Variants in GP6 observed in about 807,000 individuals in gnomAD.
GP6 encodes the protein platelet glycoprotein VI.
Under a neutral mutation model 37.3 loss-of-function variants are expected in GP6, and 45 were observed. The ratio of observed to expected loss-of-function variants is 1.21; its 90% CI spans 0.95 to 1.55. The LOEUF (loss-of-function observed/expected upper bound fraction) is 1.55. Among genes scored for constraint, GP6 ranks in the 40% most tolerant of loss-of-function variants. GP6 has a pLI of 0.00. For synonymous variants in GP6, 340 were observed against 316.4 expected (o/e 1.07, Z -0.79); for missense variants, 813 against 760.2 (o/e 1.07, Z -0.82).
chr19:55,034,641 GA>G lies in GP6; in HGVS notation c.35-2104del, dbSNP rs201963263. Among the ~76,000 whole-genome samples, 1,485 of 149,812 alleles carry G rather than the reference GA, an allele frequency of 9.9e-3. 21 individuals carry two copies. The highest frequency in any genetic ancestry group is 0.033 in the African/African-American group (1,350 of 40,830). On this transcript the variant is annotated intron_variant, in intron 1 of 7. Coordinates refer to ENST00000310373, the MANE Select transcript of GP6 (RefSeq NM_001083899.2). ...TGTCTCAGAAAACGAAGAGGAGGAG[GA>G]AAAAAAAAGTACTAATTATCTGAAA...
intron 1 of GP6, among the ~76,000 whole-genome samples, chr19:55,036,920 A>C (rs925297223): frequency 6.6e-6 from 1 of 152,180 alleles, no homozygotes; most frequent in Non-Finnish European, 1.5e-5. Flanking sequence ...CTGAGGCAGG[A>C]GAATCACTTG....
At position 55,032,269 on chromosome 19, in the gene GP6, G is replaced by A. The variant is rs771631715; in HGVS notation, c.195C>T (p.Ser65=). 2.5e-6 allele frequency: 4 copies of A among 1,614,152 alleles called. No individual in the cohort carries two copies. The East Asian group carries it at 8.9e-5, about 36-fold the overall frequency. ...AGAGGACTGCCTGATCCTGGTACCTGCTGGAACTCAGCTTCTCCAGGCGGT... is the reference window on the plus strand; with the variant it reads ...AGAGGACTGCCTGATCCTGGTACCTACTGGAACTCAGCTTCTCCAGGCGGT... Residue 65 remains serine, a synonymous_variant, in exon 3 of 8, where the codon AGC becomes AGT. Coordinates refer to ENST00000310373, the MANE Select transcript of GP6 (RefSeq NM_001083899.2).
chr19:55,032,604 G>A (rs558709117), intron 1 of GP6, 66 bp from the exon 2 acceptor site: 28 of 1,530,254 alleles, frequency 1.8e-5, no homozygotes, highest in South Asian at 8.0e-5. Context: ...CCTGCTGGGC[G>A]CGGTGATAAG....
At chr19:55,030,678 A>T (rs1449233049) in intron 3 of GP6, among the ~76,000 whole-genome samples, 21 of 150,198 alleles carry the variant, frequency 1.4e-4, no homozygotes, top group Non-Finnish European at 2.8e-4. Context: ...ATAAATAAGA[A>T]AAGAAATTAG....
In GP6 at chr19:55,027,776, A is replaced by G. The variant is rs1280466056; in HGVS notation, c.412T>C (p.Tyr138His). The G allele has an allele frequency of 6.2e-7, 1 of 1,613,862 alleles. No individual in the cohort carries two copies. Residue 138 changes from tyrosine to histidine, a missense_variant, in exon 4 of 8, where the codon TAT (tyrosine) becomes CAT (histidine). By Grantham distance (83) the Tyr-to-His change is moderately conservative. Transcript: ENST00000310373. ...TACAGAGCAAATTGGTCAAAGCCATACCGAGTCTGACACTGTAGGGTTACG... is the reference window on the plus strand; with the variant it reads ...TACAGAGCAAATTGGTCAAAGCCATGCCGAGTCTGACACTGTAGGGTTACG...
intron 1 of GP6, among the ~76,000 whole-genome samples, chr19:55,034,270 C>T (rs11084385): frequency 0.53 from 79,864 of 151,540 alleles, 21,989 homozygotes; most frequent in East Asian, 0.72. Context: ...TAAGATTGCA[C>T]CACTGGCCGG....
Position 55,014,058 on chromosome 19 carries a change from G to T in GP6, c.*24C>A, listed in dbSNP as rs76129219. On this transcript the variant is annotated 3_prime_UTR_variant, in exon 8 of 8. Coordinates refer to ENST00000310373, the MANE Select transcript of GP6 (RefSeq NM_001083899.2). ...TTATGGGGTGGACAGCAATATTGCA[G>T]TACATGTATACAACGTGCTATGATC... 3.6e-3 allele frequency: 2,175 copies of T among 607,560 alleles called. 45 individuals carry two copies. Among genetic ancestry groups the T allele is most frequent in the African/African-American group, 0.036 (1,968 of 55,364 alleles). 37.6% of individuals were successfully genotyped at this position (607,560 alleles called of 1,614,324 possible).
intron 1 of GP6, among the ~76,000 whole-genome samples, chr19:55,036,324 GCA>G (rs2074829614): frequency 6.6e-6 from 1 of 152,066 alleles, no homozygotes; most frequent in Non-Finnish European, 1.5e-5. Context: ...GGTGACAGGT[GCA>G]CTAAAATCTC....
At chr19:55,025,122 AC>A in intron 5 of GP6, 95 bp downstream of exon 5, 1 of 757,228 alleles carries the variant, frequency 1.3e-6, no homozygotes, top group South Asian at 1.5e-5. Context: ...GAAAGAACCA[AC>A]TGAATTAAAT....
intron 7 of GP6, 135 bp downstream of exon 7, chr19:55,015,548 C>T (rs572767238): frequency 4.8e-5 from 34 of 714,420 alleles, no homozygotes; most frequent in African/African-American, 1.0e-4. Flanking sequence ...GAACCCCATA[C>T]GCTGATATTC....
intron 3 of GP6, among the ~76,000 whole-genome samples, chr19:55,031,270 A>T (rs2074551011): frequency 6.6e-6 from 1 of 152,186 alleles, no homozygotes; most frequent in Admixed American, 6.5e-5. Flanking sequence ...TCCAAAACAA[A>T]GTTTTAAAAA....
Position 55,014,016 on chromosome 19 carries a change from T to C in GP6, c.*66A>G. On this transcript the variant is annotated 3_prime_UTR_variant, in exon 8 of 8. Transcript: ENST00000310373. ...TTATTTTTATGATTTTAAAAATGTATACAGAATTGTACATATTTATGGGGT... is the reference window on the plus strand; with the variant it reads ...TTATTTTTATGATTTTAAAAATGTACACAGAATTGTACATATTTATGGGGT... The C allele has an allele frequency of 3.9e-6, 2 of 518,230 alleles. No homozygotes were observed. The highest frequency in any genetic ancestry group is 7.5e-6 in the Non-Finnish European group (2 of 266,744). 32.1% of individuals were successfully genotyped at this position (518,230 alleles called of 1,614,324 possible).
intron 3 of GP6, 42 bp downstream of exon 3, chr19:55,032,097 G>A (rs778394293): frequency 8.7e-5 from 139 of 1,603,582 alleles, no homozygotes; most frequent in Admixed American, 2.9e-4. Flanking sequence ...TGTCCTGAAC[G>A]GAGGACCACG....
intron 3 of GP6, among the ~76,000 whole-genome samples, chr19:55,030,991 G>A (rs1568633681): frequency 1.3e-5 from 2 of 152,050 alleles, no homozygotes; most frequent in East Asian, 1.9e-4. Flanking sequence ...TGGGACTATA[G>A]GTGTATGCCA....
Position 55,027,571 on chromosome 19 carries a change from C to A in GP6, c.610+7G>T. The A allele has an allele frequency of 1.2e-6, 2 of 1,610,180 alleles. No individual in the cohort carries two copies. Among genetic ancestry groups the A allele is most frequent in the Non-Finnish European group, 1.7e-6 (2 of 1,176,828 alleles). On this transcript the variant is annotated splice_region_variant and intron_variant, in intron 4 of 7. Coordinates refer to ENST00000310373, the MANE Select transcript of GP6 (RefSeq NM_001083899.2). ...AGGAAGAAAGGTTTGGTCTGCACTA[C>A]CCCTACCTGTGACCACAAGCTCCAG...
rs1568583227 is a variant in GP6, at chr19:55,013,791, A to G, written c.*291T>C. ...GGCTGGTCTTGAACTCCTGGGCTCA[A>G]GCGATCCTCCTGCCTTGGCCTCCCA... On this transcript the variant is annotated 3_prime_UTR_variant, in exon 8 of 8. Coordinates refer to ENST00000310373, the MANE Select transcript of GP6 (RefSeq NM_001083899.2). 3.5e-6 allele frequency: 1 copy of G among 288,510 alleles called. No homozygotes were observed. Among genetic ancestry groups the G allele is most frequent in the East Asian group, 8.6e-5 (1 of 11,568 alleles). 17.9% of individuals were successfully genotyped at this position (288,510 alleles called of 1,614,324 possible).
intron 5 of GP6, among the ~76,000 whole-genome samples, chr19:55,022,431 T>A (rs2074118765): frequency 6.6e-6 from 1 of 152,146 alleles, no homozygotes; most frequent in African/African-American, 2.4e-5. Flanking sequence ...AATGGGCATT[T>A]CCCTTGAAAA....
chr19:55,017,455 G>C (rs2073917844), intron 6 of GP6, among the ~76,000 whole-genome samples: 1 of 152,100 alleles, frequency 6.6e-6, no homozygotes, highest in Non-Finnish European at 1.5e-5. Context: ...CACTGAGCGA[G>C]AGCAGAGGAA....
Position 55,015,544 on chromosome 19 carries a change from C to A in GP6, c.779+135G>T. On this transcript the variant is annotated intron_variant, in intron 7 of 7. Transcript: ENST00000310373. Reference sequence around the variant, plus strand: ...GATCTTAATGCCCAATTCTGAACCCCATACGCTGATATTCTGCCTTTACTC... The same window carrying A: ...GATCTTAATGCCCAATTCTGAACCCAATACGCTGATATTCTGCCTTTACTC... 4.2e-6 allele frequency: 3 copies of A among 710,812 alleles called. No homozygotes were observed. The South Asian group carries it at 4.6e-5, about 11-fold the overall frequency. The allele number at this position is 710,812 out of a possible 1,614,324, so 44.0% of individuals were successfully genotyped here.
Sources: allele counts gnomAD v4.1 joint callset (sites outside exome capture counted in the v4.1 genomes callset), GRCh38; gene constraint gnomAD v4.1.1; transcripts MANE v1.5; gene names NCBI Gene and HGNC (gene_info 2026-07-23, HGNC 2026-07-21).